The following TDP1 variants were observed in gnomAD, a reference collection of about 807,000 sequenced individuals.
The protein encoded by TDP1 is tyr-DNA phosphodiesterase 1.
TDP1 carries 64 observed loss-of-function variants against 81.5 expected under a neutral mutation model. The ratio of observed to expected loss-of-function variants is 0.79; its 90% confidence interval spans 0.64 to 0.97. TDP1 has a LOEUF of 0.97. Among genes scored for constraint, TDP1 ranks in the 50% least tolerant of loss-of-function variants. The pLI is 0.00. For synonymous variants in TDP1, 256 were observed against 264.3 expected, an observed-to-expected ratio of 0.97 and a Z score of 0.30; for missense variants, 723 against 743.8, an observed-to-expected ratio of 0.97 and a Z score of 0.33.
chr14:89,990,272 G>A (rs984475788), intron 12 of TDP1, among the ~76,000 whole-genome samples: 5 of 152,130 alleles, frequency 3.3e-5, no homozygotes, highest in Admixed American at 2.6e-4. Flanking sequence ...ATTTTTTGTA[G>A]GCATCTGTCA....
chr14:89,970,265 G>A (rs1309699936), intron 5 of TDP1, among the ~76,000 whole-genome samples: 1 of 152,144 alleles, frequency 6.6e-6, no homozygotes. Flanking sequence ...CTTGAAGAGT[G>A]TTTTTATATT....
chr14:90,013,430 T>C (rs1346534860), intron 14 of TDP1, among the ~76,000 whole-genome samples: 2 of 152,192 alleles, frequency 1.3e-5, no homozygotes, highest in Non-Finnish European at 2.9e-5. Context: ...TCACGAGATC[T>C]GATGGTTTTA....
At chr14:90,006,814 C>T (rs1884083631) in intron 14 of TDP1, among the ~76,000 whole-genome samples, 1 of 152,170 alleles carries the variant, frequency 6.6e-6, no homozygotes. Context: ...GCTGGGATTA[C>T]AGGCGTGAGG....
intron 14 of TDP1, among the ~76,000 whole-genome samples, chr14:90,000,407 G>T (rs1321362383): frequency 6.6e-6 from 1 of 152,142 alleles, no homozygotes; most frequent in Non-Finnish European, 1.5e-5. Context: ...CTTCACTGAT[G>T]GAGTTCCGCT....
chr14:89,960,657 G>A (rs904406042), intron 2 of TDP1, among the ~76,000 whole-genome samples: 2 of 152,238 alleles, frequency 1.3e-5, no homozygotes, highest in African/African-American at 4.8e-5. Context: ...TTGGCTGTGA[G>A]ATAGTGTGTT....
intron 15 of TDP1, among the ~76,000 whole-genome samples, chr14:90,029,796 G>A (rs1887079036): frequency 6.6e-6 from 1 of 152,182 alleles, no homozygotes; most frequent in African/African-American, 2.4e-5. Flanking sequence ...ATTGTGCCCG[G>A]CCTTGCCACT....
intron 14 of TDP1, among the ~76,000 whole-genome samples, chr14:89,997,858 G>C (rs1477828790): frequency 6.6e-6 from 1 of 152,004 alleles, no homozygotes; most frequent in African/African-American, 2.4e-5. Flanking sequence ...CATTTATCCA[G>C]CACATAACTA....
intron 2 of TDP1, among the ~76,000 whole-genome samples, chr14:89,960,676 G>A (rs1403411534): frequency 6.6e-6 from 1 of 152,174 alleles, no homozygotes; most frequent in African/African-American, 2.4e-5. Flanking sequence ...TTCATGCTGG[G>A]TAGGGTAATA....
At chr14:90,010,625 T>C (rs1181884275) in intron 14 of TDP1, among the ~76,000 whole-genome samples, 1 of 152,090 alleles carries the variant, frequency 6.6e-6, no homozygotes, top group Non-Finnish European at 1.5e-5. Context: ...TCACTGGCCT[T>C]GAAGATGAAG....
chr14:90,039,573 A>G (rs1210430514), intron 16 of TDP1, among the ~76,000 whole-genome samples: 2 of 152,140 alleles, frequency 1.3e-5, no homozygotes, highest in Non-Finnish European at 2.9e-5. Flanking sequence ...GAGCAGAGTC[A>G]TAAGTCCTTA....
At chr14:89,984,864 T>G in intron 9 of TDP1, 181 bp downstream of exon 9, 1 of 985,440 alleles carries the variant, frequency 1.0e-6, no homozygotes, top group Non-Finnish European at 1.2e-6. Context: ...GGCATTAAAG[T>G]GACAGCCAGT....
intron 8 of TDP1, chr14:89,981,683 A>G (rs1248113453): frequency 3.5e-6 from 1 of 285,588 alleles, no homozygotes; most frequent in African/African-American, 2.3e-5. Context: ...CCCAGGTTAC[A>G]TCTTTGTTTT....
intron 14 of TDP1, among the ~76,000 whole-genome samples, chr14:89,997,344 G>C (rs919113069): frequency 1.3e-5 from 2 of 152,214 alleles, no homozygotes; most frequent in African/African-American, 4.8e-5. Context: ...TGCCTAGACT[G>C]CATAATGGAA....
chr14:89,980,442 A>G, intron 7 of TDP1, 98 bp from the exon 8 acceptor site: 1 of 1,436,300 alleles, frequency 7.0e-7, no homozygotes, highest in South Asian at 1.2e-5. Flanking sequence ...TGAGAGTTTA[A>G]AAAAATTCCT....
At position 89,999,551 on chromosome 14, in the gene TDP1, T is replaced by C. The variant is rs535006210; in HGVS notation, c.1541+6068T>C. Among the ~76,000 whole-genome samples the C allele has an allele frequency of 5.3e-5, 8 of 152,326 alleles. No homozygotes were observed. In the South Asian group the frequency reaches 1.5e-3, roughly 28 times the overall value. On this transcript the variant is annotated intron_variant, in intron 14 of 16. Transcript: ENST00000335725. Reference sequence around the variant, plus strand: ...TCCGTATTAATGTTTGGGTTTGGAATGAATAACCCACTCCTCTTTATTAAG... The same window carrying C: ...TCCGTATTAATGTTTGGGTTTGGAACGAATAACCCACTCCTCTTTATTAAG...
At chr14:90,006,885 A>C (rs973836406) in intron 14 of TDP1, among the ~76,000 whole-genome samples, 6 of 151,830 alleles carry the variant, frequency 4.0e-5, no homozygotes, top group African/African-American at 1.5e-4. Context: ...GAGTTTTGAA[A>C]TGTTGCTCAG....
intron 8 of TDP1, among the ~76,000 whole-genome samples, chr14:89,982,945 T>A (rs1013935666): frequency 6.6e-6 from 1 of 152,224 alleles, no homozygotes; most frequent in South Asian, 2.1e-4. Flanking sequence ...CACCTGTTGA[T>A]TTCTCACTTT....
intron 5 of TDP1, among the ~76,000 whole-genome samples, chr14:89,968,032 CA>C (rs1411119836): frequency 6.6e-6 from 1 of 152,042 alleles, no homozygotes; most frequent in Non-Finnish European, 1.5e-5. Flanking sequence ...GGAAAACACA[CA>C]AGAAATAATG....
At chr14:89,979,894 G>T (rs1894784005) in intron 7 of TDP1, among the ~76,000 whole-genome samples, 1 of 152,140 alleles carries the variant, frequency 6.6e-6, no homozygotes, top group African/African-American at 2.4e-5. Flanking sequence ...TCTGATTTGG[G>T]TTAATGAAGA....
Sources: allele counts gnomAD v4.1 joint callset (sites outside exome capture counted in the v4.1 genomes callset), GRCh38; gene constraint gnomAD v4.1.1; transcripts MANE v1.5; gene names NCBI Gene and HGNC (gene_info 2026-07-23, HGNC 2026-07-21).